ZMAT4: variants seen among roughly 807,000 people sequenced by gnomAD.
ZMAT4 encodes the protein zinc finger matrin-type protein 4.
A neutral mutation model predicts 28.7 loss-of-function variants in ZMAT4; 17 were observed. The observed-to-expected ratio is 0.59, with a 90% CI of 0.41 to 0.89. The LOEUF (loss-of-function observed/expected upper bound fraction) is 0.89, where lower values mean the gene tolerates loss of function less well. ZMAT4 is among the 40% of genes least tolerant of loss of function. The pLI is 0.00. For synonymous variants in ZMAT4, 117 were observed against 109.2 expected (o/e 1.07, Z -0.44); for missense variants, 240 against 283.8 (o/e 0.85, Z 1.11).
intron 6 of ZMAT4, among the ~76,000 whole-genome samples, chr8:40,554,129 G>A (rs1184068691): frequency 3.3e-5 from 5 of 152,064 alleles, no homozygotes; most frequent in African/African-American, 1.2e-4. Flanking sequence ...AGTTTTTGTA[G>A]TTATAAGCTG....
chr8:40,793,753 A>G (rs13250929), intron 2 of ZMAT4, among the ~76,000 whole-genome samples: 21,726 of 152,212 alleles, frequency 0.14, 1,941 homozygotes, highest in Non-Finnish European at 0.2. Context: ...TAAGCCCTGA[A>G]GTTTCTCAAG....
At chr8:40,785,355 T>G (rs779812199) in intron 2 of ZMAT4, among the ~76,000 whole-genome samples, 1 of 152,256 alleles carries the variant, frequency 6.6e-6, no homozygotes, top group Non-Finnish European at 1.5e-5. Flanking sequence ...GCTTGTCTCA[T>G]GTGGTTCCAA....
Sources: gnomAD v4.1 joint callset for allele counts (sites outside exome capture counted in the v4.1 genomes callset) on GRCh38, gnomAD v4.1.1 for gene constraint, MANE v1.5 for transcripts, NCBI Gene and HGNC (gene_info 2026-07-23, HGNC 2026-07-21) for gene names.